The following STAG2 variants were observed in gnomAD, a reference collection of about 807,000 sequenced individuals.
STAG2 encodes cohesin subunit SA-2.
Under a neutral mutation model 108.1 loss-of-function variants are expected in STAG2, and 14 were observed. The observed-to-expected ratio is 0.13, with a 90% CI of 0.09 to 0.20. STAG2 has a LOEUF of 0.20. Among genes scored for constraint, STAG2 ranks in the 10% least tolerant of loss-of-function variants. The pLI is 1.00. For synonymous variants in STAG2, 307 were observed against 302.7 expected, an observed-to-expected ratio of 1.01 and a Z score of -0.15; for missense variants, 440 against 940.9, an observed-to-expected ratio of 0.47 and a Z score of 6.96.
At chrX:123,964,143 C>T (rs1602599473) in intron 1 of STAG2, among the ~76,000 whole-genome samples, 1 of 109,582 alleles carries the variant, frequency 9.1e-6, no homozygotes, top group South Asian at 3.8e-4. Context: ...TCCAGATTGT[C>T]TTACAGTCTT....
At chrX:124,057,660 G>T (rs1194720624) in intron 14 of STAG2, among the ~76,000 whole-genome samples, 2 of 111,612 alleles carry the variant, frequency 1.8e-5, no homozygotes, top group African/African-American at 6.5e-5. Context: ...TAGTTTAAAA[G>T]GACTTAGAAT....
At chrX:124,081,107 A>T (rs376298936) in intron 27 of STAG2, among the ~76,000 whole-genome samples, 22 of 110,306 alleles carry the variant, frequency 2.0e-4, no homozygotes, top group African/African-American at 6.6e-4. Flanking sequence ...TCCCCTTTAT[A>T]TTTTTATATG....
At chrX:123,984,162 A>G (rs1242331986) in intron 1 of STAG2, among the ~76,000 whole-genome samples, 1 of 107,200 alleles carries the variant, frequency 9.3e-6, no homozygotes, top group Non-Finnish European at 1.9e-5. Context: ...TGTTTTTAGT[A>G]GAGACGGGGT....
chrX:124,058,045 CA>C, intron 15 of STAG2, 68 bp downstream of exon 15: 1 of 557,667 alleles, frequency 1.8e-6, no homozygotes, highest in South Asian at 4.4e-5. Flanking sequence ...AAATGAGGCA[CA>C]TTTAAAAAAA....
intron 1 of STAG2, among the ~76,000 whole-genome samples, chrX:123,990,594 A>G (rs754935617): frequency 4.5e-5 from 5 of 111,878 alleles, no homozygotes; most frequent in African/African-American, 9.7e-5. Flanking sequence ...TTTGTTCTCA[A>G]TGTCCACAGT....
At chrX:124,090,160 C>CAAAAAAA (rs758142487) in intron 30 of STAG2, among the ~76,000 whole-genome samples, 9 of 28,401 alleles carry the variant, frequency 3.2e-4, no homozygotes, top group East Asian at 1.5e-3. Flanking sequence ...GACTCTGTCT[C>CAAAAAAA]AAAAAAAAAA....
chrX:124,071,128 C>CTTT, intron 24 of STAG2, 21 bp from the exon 25 acceptor site: 18 of 849,897 alleles, frequency 2.1e-5, no homozygotes, highest in South Asian at 1.5e-4. Flanking sequence ...ATGCTTTCCT[C>CTTT]TTTTTTTTTT....
intron 3 of STAG2, 63 bp from the exon 4 acceptor site, chrX:124,025,777 A>G: frequency 1.2e-6 from 1 of 866,278 alleles, no homozygotes; most frequent in Non-Finnish European, 1.6e-6. Context: ...AAAATATGGC[A>G]AAAATTAGAA....
At chrX:124,078,445 C>G (rs1238246059) in intron 27 of STAG2, among the ~76,000 whole-genome samples, 5 of 111,661 alleles carry the variant, frequency 4.5e-5, no homozygotes, top group African/African-American at 1.6e-4. Context: ...ATCTAAAAGT[C>G]TATTAGGATA....
intron 1 of STAG2, among the ~76,000 whole-genome samples, chrX:124,005,101 T>C (rs953299203): frequency 3.6e-5 from 4 of 112,096 alleles, no homozygotes; most frequent in Non-Finnish European, 5.6e-5. Flanking sequence ...ACACCTAATA[T>C]AATATAAATG....
At chrX:124,050,139 T>G in intron 10 of STAG2, 47 bp from the exon 11 acceptor site, 1 of 1,180,177 alleles carries the variant, frequency 8.5e-7, no homozygotes, top group Non-Finnish European at 1.1e-6. Flanking sequence ...ATAAGTTTTG[T>G]GGTATATTGG....
Position 124,028,352 on chromosome X carries a change from A to G in STAG2, c.123+2434A>G, listed in dbSNP as rs925102309. ...TAAGTGACTAATGAGCTGCGTGGAT[A>G]TGCTGGACAAAGGGATGATTCACGT... On this transcript the variant is annotated intron_variant, in intron 4 of 34. Coordinates refer to ENST00000371145, the MANE Select transcript of STAG2 (RefSeq NM_001042750.2). Among the ~76,000 whole-genome samples, 3 of 111,507 alleles carry G rather than the reference A, an allele frequency of 2.7e-5. No individual in the cohort carries two copies. The Admixed American group carries it at 2.9e-4, about 11-fold the overall frequency.
intron 6 of STAG2, 101 bp from the exon 7 acceptor site, chrX:124,042,468 A>G: frequency 1.9e-6 from 1 of 536,832 alleles, no homozygotes; most frequent in South Asian, 3.2e-5. Flanking sequence ...TATGCCTTTT[A>G]TTGTGTGACC....
chrX:124,056,674 A>G (rs1231543443), intron 14 of STAG2, among the ~76,000 whole-genome samples: 1 of 96,353 alleles, frequency 1.0e-5, no homozygotes, highest in Admixed American at 1.3e-4. Context: ...CGGAGCTTGC[A>G]CTGAGCCGAG....
At chrX:124,063,236 A>C in intron 19 of STAG2, 31 bp downstream of exon 19, 1 of 1,039,183 alleles carries the variant, frequency 9.6e-7, no homozygotes, top group Non-Finnish European at 1.3e-6. Context: ...AAAAACCTTT[A>C]AGAAAAATTA....
At chrX:124,077,703 G>A (rs191265861) in intron 26 of STAG2, among the ~76,000 whole-genome samples, 60 of 111,617 alleles carry the variant, frequency 5.4e-4, no homozygotes, top group Admixed American at 4.1e-3. Context: ...CCAGTATACC[G>A]TCTTTATTTT....
intron 28 of STAG2, among the ~76,000 whole-genome samples, chrX:124,082,453 C>A (rs1007825592): frequency 8.9e-6 from 1 of 112,082 alleles, no homozygotes; most frequent in Admixed American, 9.5e-5. Flanking sequence ...TCGGACTCTC[C>A]TTCATCCTCT....
At chrX:123,965,352 A>G (rs1013251261) in intron 1 of STAG2, among the ~76,000 whole-genome samples, 2 of 111,966 alleles carry the variant, frequency 1.8e-5, no homozygotes, top group Admixed American at 9.6e-5. Context: ...ATATTTAGTT[A>G]GGATTTTTTA....
intron 1 of STAG2, among the ~76,000 whole-genome samples, chrX:123,967,824 G>T (rs1361047295): frequency 9.1e-6 from 1 of 110,388 alleles, no homozygotes; most frequent in Non-Finnish European, 1.9e-5. Context: ...AAACAAAAAA[G>T]ATACAATAAA....
Sources: gnomAD v4.1 joint callset for allele counts (sites outside exome capture counted in the v4.1 genomes callset) on GRCh38, gnomAD v4.1.1 for gene constraint, MANE v1.5 for transcripts, NCBI Gene and HGNC (gene_info 2026-07-23, HGNC 2026-07-21) for gene names.